The following CREBBP variants were observed in gnomAD, a reference collection of about 807,000 sequenced individuals.
CREBBP encodes CREB-binding protein.
A neutral mutation model predicts 265.0 loss-of-function variants in CREBBP; 19 were observed. The observed-to-expected ratio is 0.07, with a 90% CI of 0.05 to 0.11. CREBBP has a LOEUF of 0.11. CREBBP is among the 10% of genes least tolerant of loss of function. The probability of loss-of-function intolerance (pLI) is 1.00; values close to 1 mark genes in which losing one functional copy is unlikely to be tolerated. For missense variants in CREBBP, 2,525 were observed against 3,219.0 expected (o/e 0.78, Z 5.22); for synonymous variants, 1,457 against 1,223.7 (o/e 1.19, Z -3.98).
chr16:3,870,221 C>T (rs998541115), intron 1 of CREBBP, among the ~76,000 whole-genome samples: 4 of 152,048 alleles, frequency 2.6e-5, no homozygotes, highest in African/African-American at 9.7e-5. Context: ...ACTATAGAAT[C>T]TGCAGGAGGA....
chr16:3,808,149 T>G (rs1181572234), intron 3 of CREBBP, among the ~76,000 whole-genome samples: 13 of 55,540 alleles, frequency 2.3e-4, no homozygotes, highest in Admixed American at 5.6e-4. Context: ...GAGGGAGGGA[T>G]GAAAGAAGGG....
intron 6 of CREBBP, among the ~76,000 whole-genome samples, chr16:3,781,883 G>A (rs1466454593): frequency 6.6e-6 from 1 of 152,152 alleles, no homozygotes; most frequent in Non-Finnish European, 1.5e-5. Context: ...CTCCTGGCCA[G>A]TATTAGTTAG....
intron 1 of CREBBP, among the ~76,000 whole-genome samples, chr16:3,879,030 T>TTAACG (rs71133664): frequency 6.6e-6 from 1 of 152,078 alleles, no homozygotes; most frequent in East Asian, 1.9e-4. Context: ...CCTACATTCC[T>TTAACG]TAATTCTTTG....
intron 24 of CREBBP, among the ~76,000 whole-genome samples, chr16:3,739,949 G>A (rs2052160566): frequency 6.6e-6 from 1 of 152,194 alleles, no homozygotes; most frequent in Non-Finnish European, 1.5e-5. Flanking sequence ...CTCTGTGAAT[G>A]AAATACGGGA....
At chr16:3,747,235 C>A (rs761641032) in intron 21 of CREBBP, among the ~76,000 whole-genome samples, 1 of 152,170 alleles carries the variant, frequency 6.6e-6, no homozygotes, top group African/African-American at 2.4e-5. Flanking sequence ...CCAAAGATGA[C>A]CCTCTTACAC....
intron 2 of CREBBP, among the ~76,000 whole-genome samples, chr16:3,842,622 C>T (rs1446136057): frequency 6.6e-6 from 1 of 151,962 alleles, no homozygotes; most frequent in Non-Finnish European, 1.5e-5. Context: ...ATGTTGTCAA[C>T]AAGGGTCATG....
Position 3,813,501 on chromosome 16 carries a change from C to T in CREBBP, c.799-2722G>A, listed in dbSNP as rs538864311. Reference sequence around the variant, plus strand: ...AATTAATTCCATGGAACACTTACTACTCTCAGAATTTGTCTTATTACATAT... The same window carrying T: ...AATTAATTCCATGGAACACTTACTATTCTCAGAATTTGTCTTATTACATAT... On this transcript the variant is annotated intron_variant, in intron 2 of 30. Coordinates refer to ENST00000262367, the MANE Select transcript of CREBBP (RefSeq NM_004380.3). Among the ~76,000 whole-genome samples the T allele has an allele frequency of 2.6e-5, 4 of 152,338 alleles. No individual in the cohort carries two copies. In the East Asian group the frequency reaches 7.7e-4, roughly 29 times the overall value.
chr16:3,778,295 T>C, intron 9 of CREBBP, 113 bp from the exon 10 acceptor site: 1 of 868,462 alleles, frequency 1.2e-6, no homozygotes, highest in Admixed American at 2.1e-5. Flanking sequence ...CTGGCAAAAG[T>C]AGTATGCAAA....
chr16:3,755,066 T>C (rs2052557592), intron 19 of CREBBP, among the ~76,000 whole-genome samples: 1 of 152,228 alleles, frequency 6.6e-6, no homozygotes, highest in Non-Finnish European at 1.5e-5. Flanking sequence ...TTATCACTAA[T>C]AAAATGGAAC....
chr16:3,789,455 C>A (rs1002209558), intron 5 of CREBBP, among the ~76,000 whole-genome samples: 2 of 152,210 alleles, frequency 1.3e-5, no homozygotes, highest in African/African-American at 4.8e-5. Flanking sequence ...CAATTCTCCT[C>A]GAAAAGAATG....
chr16:3,769,680 G>A (rs1351023078), intron 14 of CREBBP, among the ~76,000 whole-genome samples: 1 of 152,154 alleles, frequency 6.6e-6, no homozygotes, highest in Admixed American at 6.5e-5. Flanking sequence ...TCAATATGGT[G>A]GTTAATGTGT....
In CREBBP at chr16:3,781,217, G is replaced by C. The variant is rs2141247232; in HGVS notation, c.1663C>G (p.Leu555Val). ...LISESALPTS[L>V]GATNPLMNDG... The stretch of plus-strand genomic sequence containing the variant: ...ACAGGGTCTTACTTTGTGGCCCCCA[G>C]GGAAGTCGGAAGAGCTGATTCTGAA... The change falls in exon 7 of 31, where the codon CTG (leucine) becomes GTG (valine). Residue 555 changes from leucine (L) to valine (V), a missense_variant. By Grantham distance (32) the Leu-to-Val change is conservative. Around this residue, in one of 19 missense-constraint regions of CREBBP, gnomAD observed 144 missense variants for 134.0 expected, o/e 1.07. Transcript: ENST00000262367. The C allele has an allele frequency of 6.2e-7, 1 of 1,613,902 alleles. No individual in the cohort carries two copies. The highest frequency in any genetic ancestry group is 8.5e-7 in the Non-Finnish European group (1 of 1,179,848).
At chr16:3,752,650 A>C (rs1248152681) in intron 19 of CREBBP, among the ~76,000 whole-genome samples, 1 of 152,214 alleles carries the variant, frequency 6.6e-6, no homozygotes, top group African/African-American at 2.4e-5. Flanking sequence ...ATCCATGAAC[A>C]ATCTTTGAAA....
chr16:3,861,636 G>A lies in CREBBP; in HGVS notation c.86-10627C>T, dbSNP rs553326959. On this transcript the variant is annotated intron_variant, in intron 1 of 30. Coordinates refer to ENST00000262367, the MANE Select transcript of CREBBP (RefSeq NM_004380.3). ...GGGGATTATGCAAATAAATATAATG[G>A]AACAACTCTCTATACCAAAAAAAAA... is the stretch of plus-strand genomic sequence containing the variant. Among the ~76,000 whole-genome samples the A allele has an allele frequency of 1.2e-4, 13 of 105,772 alleles. No homozygotes were observed. In the South Asian group the frequency reaches 2.3e-3, roughly 19 times the overall value. 69.4% of individuals were successfully genotyped at this position (105,772 alleles called of 152,430 possible). A position where few individuals can be genotyped will look rare whatever the true frequency, so the allele number is the denominator to read the frequency against.
chr16:3,834,126 C>T (rs188829627), intron 2 of CREBBP, among the ~76,000 whole-genome samples: 5 of 152,232 alleles, frequency 3.3e-5, no homozygotes, highest in Non-Finnish European at 7.4e-5. Flanking sequence ...GAAATGCTGG[C>T]GAGGATGTAG....
At chr16:3,824,225 G>A (rs2054196092) in intron 2 of CREBBP, among the ~76,000 whole-genome samples, 1 of 152,258 alleles carries the variant, frequency 6.6e-6, no homozygotes, top group Non-Finnish European at 1.5e-5. Flanking sequence ...GGCCTGCAAA[G>A]GCGAGCTAAA....
chr16:3,770,707 T>C lies in CREBBP; in HGVS notation c.2743A>G (p.Thr915Ala), dbSNP rs2052981567. 4 of 1,613,658 alleles carry C rather than the reference T, an allele frequency of 2.5e-6. No individual in the cohort carries two copies. The highest frequency in any genetic ancestry group is 3.4e-6 in the Non-Finnish European group (4 of 1,179,952). The change falls in exon 14 of 31, where the codon ACC becomes GCC. Residue 915 changes from threonine (T) to alanine (A), a missense_variant. Coordinates refer to ENST00000262367, the MANE Select transcript of CREBBP (RefSeq NM_004380.3). The part of the protein sequence containing the change: ...SVPSATQTQS[T>A]PTVQAAAQAQ... ...TGGGCTGCTGCCTGGACTGTAGGGGTGCTCTGGGTTTGGGTAGCACTGGGC... is the reference window on the plus strand; with the variant it reads ...TGGGCTGCTGCCTGGACTGTAGGGGCGCTCTGGGTTTGGGTAGCACTGGGC...
chr16:3,833,213 G>A (rs919067496), intron 2 of CREBBP, among the ~76,000 whole-genome samples: 3 of 152,250 alleles, frequency 2.0e-5, no homozygotes, highest in Admixed American at 6.5e-5. Context: ...AGGAGTTCGA[G>A]ACCAGCCTGA....
chr16:3,806,253 T>G (rs1416710945), intron 3 of CREBBP, among the ~76,000 whole-genome samples: 1 of 152,130 alleles, frequency 6.6e-6, no homozygotes, highest in Non-Finnish European at 1.5e-5. Flanking sequence ...GTCTACACAG[T>G]CTTCCAGCCA....
Sources: allele counts gnomAD v4.1 joint callset (sites outside exome capture counted in the v4.1 genomes callset), GRCh38; gene constraint gnomAD v4.1.1; regional missense constraint gnomAD v4.1.1; transcripts MANE v1.5; gene names NCBI Gene and HGNC (gene_info 2026-07-23, HGNC 2026-07-21).